Variants in TMEM74B observed in about 807,000 individuals in gnomAD.
The protein encoded by TMEM74B is transmembrane protein 74B, also known as transmembrane protein C20orf46.
TMEM74B carries 7 observed loss-of-function variants against 6.5 expected under a neutral mutation model. The observed-to-expected ratio is 1.07, with a 90% CI of 0.61 to 2.01. The LOEUF (loss-of-function observed/expected upper bound fraction) is 2.01. TMEM74B is among the 30% of genes most tolerant of loss of function. The pLI, the probability that TMEM74B is intolerant of heterozygous loss-of-function variation, is 0.00. For missense variants in TMEM74B, 342 were observed against 337.0 expected (o/e 1.01, Z -0.12); for synonymous variants, 151 against 151.6 (o/e 1.00, Z 0.03).
chr20:1,185,765 G>T (rs1462290397), upstream of TMEM74B, among the ~76,000 whole-genome samples: 1 of 151,732 alleles, frequency 6.6e-6, no homozygotes. Flanking sequence ...CCCCTATTGC[G>T]CCAAGCGCAG....
upstream of TMEM74B, among the ~76,000 whole-genome samples, chr20:1,188,411 T>TACAC (rs71327492): frequency 6.9e-6 from 1 of 145,902 alleles, no homozygotes; most frequent in African/African-American, 2.5e-5. Flanking sequence ...AAAGAAATGC[T>TACAC]ACACACACAC....
At chr20:1,189,342 A>G (rs891542997), upstream of TMEM74B, 1 of 152,274 alleles carries the variant, frequency 6.6e-6, no homozygotes, top group African/African-American at 2.4e-5. This position sits in a 1 kb window ranked among gnomAD's most constrained non-coding sequence, Gnocchi z 4.5. Flanking sequence ...GGTACCCTTG[A>G]TAGAATACTG....
At chr20:1,182,698 G>A (rs1731868820) in intron 2 of TMEM74B, among the ~76,000 whole-genome samples, 1 of 152,122 alleles carries the variant, frequency 6.6e-6, no homozygotes. Context: ...TGCAAGAGGA[G>A]TTACCCCACC....
At chr20:1,188,468 T>TACACATACACTACACACACC (rs2087044741), upstream of TMEM74B, among the ~76,000 whole-genome samples, 2 of 119,354 alleles carry the variant, frequency 1.7e-5, no homozygotes, top group East Asian at 2.6e-4. Flanking sequence ...CTACACACAC[T>TACACATACACTACACACACC]ACACATACAC....
At position 1,180,855 on chromosome 20, in the gene TMEM74B, C is replaced by T. The variant is rs1239956702; in HGVS notation, c.764G>A (p.Arg255Lys). 2.5e-6 allele frequency: 4 copies of T among 1,589,222 alleles called. No individual in the cohort carries two copies. Among genetic ancestry groups the T allele is most frequent in the Non-Finnish European group, 3.4e-6 (4 of 1,165,570 alleles). The change falls in exon 3 of 3, where the codon AGG becomes AAG. Residue 255 changes from arginine (R) to lysine (K), a missense_variant. Arg to Lys is a conservative substitution (Grantham distance 26). Transcript: ENST00000429036. This position sits in a 1 kb window ranked among gnomAD's most constrained non-coding sequence, Gnocchi z 6.1. ...GATAAGGTGGGCTAGTTCTTAAGAC[C>T]TCTGGAGGGTGTGGCTAGTCTCTGA... ...QVSETSHTLQRS is the reference protein window; with the variant it reads ...QVSETSHTLQKS
upstream of TMEM74B, chr20:1,189,399 G>A (rs2087051814): frequency 6.6e-6 from 1 of 152,196 alleles, no homozygotes; most frequent in Non-Finnish European, 1.5e-5. The surrounding 1 kb of genome is among the most constrained non-coding windows in gnomAD (Gnocchi z 4.5). Flanking sequence ...TATAAATAAA[G>A]TATGGACTTT....
Position 1,181,499 on chromosome 20 carries a change from G to A in TMEM74B, c.120C>T (p.Pro40=). 6.6e-7 allele frequency: 1 copy of A among 1,507,430 alleles called. No individual in the cohort carries two copies. The highest frequency in any genetic ancestry group is 8.8e-7 in the Non-Finnish European group (1 of 1,130,436). The allele number at this position is 1,507,430 out of a possible 1,614,324, so 93.4% of individuals were successfully genotyped here. ...GGGGAGCTGATCTCCTTGGGGCTTG[G>A]GGACCATTGCTCAGTGTCTTCAGTT... The part of the protein sequence containing the change: ...GLELKTLSNG[P]QAPRRSAPLG... The change falls in exon 3 of 3, where the codon CCC becomes CCT. Residue 40 remains proline, a synonymous_variant. Coordinates refer to ENST00000429036, the MANE Select transcript of TMEM74B (RefSeq NM_001304748.2). The surrounding 1 kb of genome is among the most constrained non-coding windows in gnomAD (Gnocchi z 4.9).
intron 2 of TMEM74B, 123 bp downstream of exon 2, chr20:1,183,648 C>T: frequency 8.4e-7 from 1 of 1,197,584 alleles, no homozygotes; most frequent in South Asian, 1.4e-5. Flanking sequence ...CCCTCACCAG[C>T]CCCACGATCC....
At chr20:1,183,429 T>C (rs2086931952) in intron 2 of TMEM74B, among the ~76,000 whole-genome samples, 1 of 152,188 alleles carries the variant, frequency 6.6e-6, no homozygotes, top group South Asian at 2.1e-4. Context: ...TCAATCTTTC[T>C]GACCTTCTTG....
upstream of TMEM74B, among the ~76,000 whole-genome samples, chr20:1,186,905 G>C (rs1212567016): frequency 6.6e-6 from 1 of 152,188 alleles, no homozygotes. Flanking sequence ...CCACAGCTGG[G>C]TGCCCTGGTG....
chr20:1,183,897 G>T lies in TMEM74B; in HGVS notation c.-96C>A. 2.0e-6 allele frequency: 3 copies of T among 1,465,484 alleles called. No individual in the cohort carries two copies. The highest frequency in any genetic ancestry group is 1.8e-5 in the Admixed American group (1 of 54,580). The allele number at this position is 1,465,484 out of a possible 1,614,324, so 90.8% of individuals were successfully genotyped here. A position where few individuals can be genotyped will look rare whatever the true frequency, so the allele number is the denominator to read the frequency against. Reference sequence around the variant, plus strand: ...GCAACCGTGAGCACCTTGAGAGCAGGCATAAGTTTGAATTCCATCTGGGTC... The same window carrying T: ...GCAACCGTGAGCACCTTGAGAGCAGTCATAAGTTTGAATTCCATCTGGGTC... On this transcript the variant is annotated 5_prime_UTR_variant, in exon 2 of 3. Transcript: ENST00000429036.
At position 1,180,887 on chromosome 20, in the gene TMEM74B, GACA is replaced by G; in HGVS notation, c.729_731del (p.Val244del). The G allele has an allele frequency of 6.2e-7, 1 of 1,609,206 alleles. No individual in the cohort carries two copies. The highest frequency in any genetic ancestry group is 8.5e-7 in the Non-Finnish European group (1 of 1,177,014). On this transcript the variant is annotated inframe_deletion, in exon 3 of 3. Coordinates refer to ENST00000429036, the MANE Select transcript of TMEM74B (RefSeq NM_001304748.2). The surrounding 1 kb of genome is among the most constrained non-coding windows in gnomAD (Gnocchi z 6.1). ...GGGTGTGGCTAGTCTCTGAGACCTG[GACA>G]ACTTCATTCTCCACCAGGGCCTGGC...
intron 2 of TMEM74B, among the ~76,000 whole-genome samples, chr20:1,183,286 T>TTC (rs769696559): frequency 9.9e-4 from 139 of 140,214 alleles, no homozygotes; most frequent in African/African-American, 2.4e-3. Flanking sequence ...CTGTGGTTCG[T>TTC]TCTCTGTGTG....
chr20:1,180,628 A>G lies in TMEM74B; in HGVS notation c.*220T>C. 2.1e-6 allele frequency: 1 copy of G among 478,396 alleles called. No individual in the cohort carries two copies. Among genetic ancestry groups the G allele is most frequent in the Non-Finnish European group, 3.4e-6 (1 of 295,916 alleles). 29.6% of individuals were successfully genotyped at this position (478,396 alleles called of 1,614,324 possible). On this transcript the variant is annotated 3_prime_UTR_variant, in exon 3 of 3. Coordinates refer to ENST00000429036, the MANE Select transcript of TMEM74B (RefSeq NM_001304748.2). The surrounding 1 kb of genome is among the most constrained non-coding windows in gnomAD (Gnocchi z 6.1). Reference sequence around the variant, plus strand: ...GAAGCCATCCTCCAAACAAAACCGTATGCAAAACCTCAGCTACAAAACAGA... The same window carrying G: ...GAAGCCATCCTCCAAACAAAACCGTGTGCAAAACCTCAGCTACAAAACAGA...
rs765637613 is a variant in TMEM74B at position 1,181,266 on chromosome 20, G to A, written c.353C>T (p.Pro118Leu). 3.7e-6 allele frequency: 6 copies of A among 1,613,914 alleles called. No homozygotes were observed. Among genetic ancestry groups the A allele is most frequent in the East Asian group, 2.2e-5 (1 of 44,880 alleles). The change falls in exon 3 of 3, where the codon CCG becomes CTG. Residue 118 changes from proline to leucine, a missense_variant. Pro to Leu is a moderately conservative substitution (Grantham distance 98, BLOSUM62 -3). Coordinates refer to ENST00000429036, the MANE Select transcript of TMEM74B (RefSeq NM_001304748.2). This position sits in a 1 kb window ranked among gnomAD's most constrained non-coding sequence, Gnocchi z 4.9. The part of the protein sequence containing the change: ...EGPALEPVSR[P>L]VDYGFVSALV... ...GGCGGAAACAAAGCCATAATCCACC[G>A]GGCGGCTCACGGGCTCCAGGGCTGG...
rs1456634261 is a variant in TMEM74B, at chr20:1,180,692, C to T, written c.*156G>A. The T allele has an allele frequency of 1.1e-5, 11 of 1,032,300 alleles. No individual in the cohort carries two copies. Among genetic ancestry groups the T allele is most frequent in the Non-Finnish European group, 1.3e-5 (10 of 756,156 alleles). The allele number at this position is 1,032,300 out of a possible 1,614,324, so 63.9% of individuals were successfully genotyped here. A position where few individuals can be genotyped will look rare whatever the true frequency, so the allele number is the denominator to read the frequency against. On this transcript the variant is annotated 3_prime_UTR_variant, in exon 3 of 3. Transcript: ENST00000429036. This position sits in a 1 kb window ranked among gnomAD's most constrained non-coding sequence, Gnocchi z 6.1. ...TGCCCGTGTGGGGCATGGGCTGGGCCCCGAGCTCTCCCTCCAGCACCCAGT... is the reference window on the plus strand; with the variant it reads ...TGCCCGTGTGGGGCATGGGCTGGGCTCCGAGCTCTCCCTCCAGCACCCAGT...
chr20:1,186,656 G>A (rs1314825825), upstream of TMEM74B, among the ~76,000 whole-genome samples: 1 of 152,156 alleles, frequency 6.6e-6, no homozygotes, highest in Non-Finnish European at 1.5e-5. Context: ...CATGAGCGGA[G>A]CCTGACCTGC....
upstream of TMEM74B, among the ~76,000 whole-genome samples, chr20:1,188,772 T>A (rs1207053332): frequency 6.6e-6 from 1 of 152,120 alleles, no homozygotes; most frequent in Non-Finnish European, 1.5e-5. Context: ...AATATTGGAC[T>A]GTAACAAAAA....
rs981118818 is a variant in TMEM74B at position 1,181,318 on chromosome 20, C to G, written c.301G>C (p.Asp101His). ...VSSLPRSQRD[D>H]LSLHSEEGPA... Reference sequence around the variant, plus strand: ...CCCTCCTCTGAATGAAGGGACAGATCATCCCGCTGGGATCGGGGCAGTGAG... The same window carrying G: ...CCCTCCTCTGAATGAAGGGACAGATGATCCCGCTGGGATCGGGGCAGTGAG... Residue 101 changes from aspartate (D) to histidine (H), a missense_variant, in exon 3 of 3, where the codon GAT becomes CAT. By Grantham distance (81) the Asp-to-His change is moderately conservative. Coordinates refer to ENST00000429036, the MANE Select transcript of TMEM74B (RefSeq NM_001304748.2). The surrounding 1 kb of genome is among the most constrained non-coding windows in gnomAD (Gnocchi z 4.9). 1.9e-6 allele frequency: 3 copies of G among 1,605,386 alleles called. No homozygotes were observed. The highest frequency in any genetic ancestry group is 1.1e-5 in the South Asian group (1 of 89,584).
Sources: allele counts gnomAD v4.1 joint callset (sites outside exome capture counted in the v4.1 genomes callset), GRCh38; gene constraint gnomAD v4.1.1; non-coding constraint Gnocchi (gnomAD v3.1); transcripts MANE v1.5; gene names NCBI Gene and HGNC (gene_info 2026-07-23, HGNC 2026-07-21).